Variants in OR4K1 observed in about 807,000 individuals in gnomAD.
OR4K1 encodes the protein olfactory receptor family 4 subfamily K member 1.
In OR4K1, 16 loss-of-function variants were observed where a neutral mutation model predicts 14.4. The ratio of observed to expected loss-of-function variants is 1.11; its 90% CI spans 0.75 to 1.68. The LOEUF (loss-of-function observed/expected upper bound fraction) is 1.68. Ranked by LOEUF, OR4K1 falls within the 40% of genes most tolerant of loss-of-function variation. OR4K1 has a pLI of 0.00. For missense variants in OR4K1, 548 were observed against 376.9 expected, an observed-to-expected ratio of 1.45 and a Z score of -3.76; for synonymous variants, 181 against 133.1, an observed-to-expected ratio of 1.36 and a Z score of -2.48.
chr14:19,926,751 A>T (rs1316997195), upstream of OR4K1, among the ~76,000 whole-genome samples: 2 of 152,262 alleles, frequency 1.3e-5, no homozygotes, highest in Non-Finnish European at 2.9e-5. Flanking sequence ...CTGCCCAGCC[A>T]TTCAGGCTAT....
chr14:19,935,502 A>C (rs1308080340), intron 1 of OR4K1, 146 bp from the exon 2 acceptor site: 1 of 643,526 alleles, frequency 1.6e-6, no homozygotes, highest in African/African-American at 1.9e-5. Context: ...AATATTAGTC[A>C]ACTGAGTATT....
intron 1 of OR4K1, among the ~76,000 whole-genome samples, chr14:19,932,690 GTATAAAC>G (rs1182240602): frequency 6.6e-6 from 1 of 152,216 alleles, no homozygotes; most frequent in Non-Finnish European, 1.5e-5. Context: ...CTTACTAGTA[GTATAAAC>G]TTGGGCAATT....
the OR4K1 span, among the ~76,000 whole-genome samples, chr14:19,921,971 A>G: frequency 6.6e-6 from 1 of 152,252 alleles, no homozygotes; most frequent in Non-Finnish European, 1.5e-5. Context: ...AATAGTATTT[A>G]AGAATCTGAA....
upstream of OR4K1, among the ~76,000 whole-genome samples, chr14:19,929,915 T>G (rs548895580): frequency 3.3e-5 from 5 of 152,360 alleles, 1 homozygote; most frequent in Admixed American, 1.3e-4. Flanking sequence ...TTTGAATTTT[T>G]CTTTGTAGTC....
upstream of OR4K1, among the ~76,000 whole-genome samples, chr14:19,930,290 A>G (rs1882157698): frequency 6.6e-6 from 1 of 152,230 alleles, no homozygotes; most frequent in Non-Finnish European, 1.5e-5. Context: ...GTAATAGGGA[A>G]TCTTACCTTC....
intron 1 of OR4K1, 159 bp downstream of exon 1, chr14:19,931,304 T>C (rs551299574): frequency 6.6e-6 from 1 of 152,418 alleles, no homozygotes; most frequent in South Asian, 2.1e-4. Flanking sequence ...AATATTCCTG[T>C]TCTCCACTTC....
At chr14:19,935,181 C>T (rs779971991) in intron 1 of OR4K1, among the ~76,000 whole-genome samples, 3 of 152,160 alleles carry the variant, frequency 2.0e-5, no homozygotes, top group African/African-American at 7.2e-5. Flanking sequence ...ACCTTTGATT[C>T]TTTATTCATG....
chr14:19,920,896 G>GC, the OR4K1 span: 1 of 1,614,174 alleles, frequency 6.2e-7, no homozygotes, highest in East Asian at 2.2e-5. Flanking sequence ...TTCAGTGGCT[G>GC]CATAGCCCAA....
At chr14:19,925,628 C>A in the OR4K1 span, among the ~76,000 whole-genome samples, 1 of 152,268 alleles carries the variant, frequency 6.6e-6, no homozygotes, top group African/African-American at 2.4e-5. Flanking sequence ...GCTACTTCTG[C>A]TATGCTTATG....
At chr14:19,932,103 A>G (rs1237475567) in intron 1 of OR4K1, among the ~76,000 whole-genome samples, 1 of 152,216 alleles carries the variant, frequency 6.6e-6, no homozygotes, top group Non-Finnish European at 1.5e-5. Context: ...TTGGAGAGGA[A>G]TTTCTAGTTG....
upstream of OR4K1, among the ~76,000 whole-genome samples, chr14:19,926,500 T>G (rs1424950960): frequency 6.6e-6 from 1 of 152,268 alleles, no homozygotes; most frequent in Admixed American, 6.5e-5. Flanking sequence ...GCTAAATCAT[T>G]TAGGTGTTGA....
Position 19,936,113 on chromosome 14 carries a change from G to T in OR4K1, c.447G>T (p.Trp149Cys), listed in dbSNP as rs749615875. The change falls in exon 2 of 2, where the codon TGG becomes TGT. Residue 149 changes from tryptophan (W) to cysteine (C), a missense_variant. Physicochemically the swap from Trp to Cys is radical, Grantham distance 215 (BLOSUM62 -2). Coordinates refer to ENST00000641172, the MANE Select transcript of OR4K1 (RefSeq NM_001004063.3). ...GTGTAATTTTTGTGTCTATTTCCTGGGCGGTGGGCGTTCTTCATTCTGTGA... is the reference window on the plus strand; with the variant it reads ...GTGTAATTTTTGTGTCTATTTCCTGTGCGGTGGGCGTTCTTCATTCTGTGA... Reference protein sequence around the residue: ...RLCVIFVSISWAVGVLHSVSH... With the variant: ...RLCVIFVSISCAVGVLHSVSH... 74 of 1,614,000 alleles carry T rather than the reference G, an allele frequency of 4.6e-5. No homozygotes were observed. The East Asian group carries it at 1.6e-3, about 34-fold the overall frequency.
chr14:19,921,107 T>C, the OR4K1 span: 2 of 1,614,202 alleles, frequency 1.2e-6, no homozygotes, highest in African/African-American at 1.3e-5. Context: ...TGAACCTGCC[T>C]TTTTGTGGAC....
the OR4K1 span, chr14:19,921,279 G>A: frequency 6.8e-6 from 11 of 1,614,136 alleles, no homozygotes; most frequent in Non-Finnish European, 9.3e-6. Flanking sequence ...TCTTGTTACA[G>A]TTTGGCTCAA....
the OR4K1 span, among the ~76,000 whole-genome samples, chr14:19,923,738 CTT>C: frequency 2.7e-3 from 411 of 152,190 alleles, 10 homozygotes; most frequent in East Asian, 0.046. Context: ...GTAAATCAAA[CTT>C]AAATAAGTGA....
the OR4K1 span, chr14:19,920,709 T>C: frequency 1.4e-5 from 23 of 1,614,156 alleles, no homozygotes; most frequent in South Asian, 2.3e-4. Flanking sequence ...CTCTGTGTTG[T>C]ATACAGTCAT....
chr14:19,933,962 C>A (rs1386821207), intron 1 of OR4K1, among the ~76,000 whole-genome samples: 1 of 152,260 alleles, frequency 6.6e-6, no homozygotes, highest in Non-Finnish European at 1.5e-5. Flanking sequence ...GGATATAGTG[C>A]TCCAACATCC....
At chr14:19,930,366 A>G (rs1162569936), upstream of OR4K1, among the ~76,000 whole-genome samples, 1 of 152,206 alleles carries the variant, frequency 6.6e-6, no homozygotes, top group African/African-American at 2.4e-5. Flanking sequence ...TAGAAAACTT[A>G]TATAAAATAT....
At chr14:19,932,461 T>G (rs977728397) in intron 1 of OR4K1, among the ~76,000 whole-genome samples, 6 of 152,222 alleles carry the variant, frequency 3.9e-5, no homozygotes, top group Admixed American at 1.3e-4. Flanking sequence ...CGTTCCACTC[T>G]GAAATGTAAC....
Sources: allele counts gnomAD v4.1 joint callset (sites outside exome capture counted in the v4.1 genomes callset), GRCh38; gene constraint gnomAD v4.1.1; transcripts MANE v1.5; gene names NCBI Gene and HGNC (gene_info 2026-07-23, HGNC 2026-07-21).